POLR1E: variants seen among roughly 807,000 people sequenced by gnomAD.
POLR1E encodes the protein DNA-directed RNA polymerase I subunit RPA49.
In POLR1E, 37 loss-of-function variants were observed where a neutral mutation model predicts 50.9. That is an observed-to-expected ratio of 0.73 (90% CI 0.56 to 0.96). The LOEUF (loss-of-function observed/expected upper bound fraction) is 0.96, where lower values mean the gene tolerates loss of function less well. Among genes scored for constraint, POLR1E ranks in the 40% least tolerant of loss-of-function variants. The probability of loss-of-function intolerance (pLI) is 0.00; values close to 1 mark genes in which losing one functional copy is unlikely to be tolerated. For synonymous variants in POLR1E, 166 were observed against 191.6 expected (o/e 0.87, Z 1.10); for missense variants, 426 against 518.1 (o/e 0.82, Z 1.73).
rs1820929229 is a variant in POLR1E, at chr9:37,503,402, C to A, written c.*200C>A. 4.1e-6 allele frequency: 2 copies of A among 483,140 alleles called. No individual in the cohort carries two copies. The highest frequency in any genetic ancestry group is 6.8e-6 in the Non-Finnish European group (2 of 295,658). 29.9% of individuals were successfully genotyped at this position (483,140 alleles called of 1,614,324 possible). A position where few individuals can be genotyped will look rare whatever the true frequency, so the allele number is the denominator to read the frequency against. On this transcript the variant is annotated 3_prime_UTR_variant, in exon 12 of 12. Transcript: ENST00000377798. The stretch of plus-strand genomic sequence containing the variant: ...AACCAGTCTGGACAACATAGGGAGA[C>A]CCCATCTCTACCGGAGGAAAAAAAA...
intron 4 of POLR1E, chr9:37,492,341 C>A (rs765858662): frequency 5.4e-6 from 7 of 1,298,730 alleles, no homozygotes; most frequent in Non-Finnish European, 7.1e-6. Flanking sequence ...GTTTTCTAAT[C>A]CTGTCTCTGC....
chr9:37,489,439 A>G, intron 4 of POLR1E, 39 bp downstream of exon 4: 1 of 1,449,782 alleles, frequency 6.9e-7, no homozygotes, highest in Non-Finnish European at 9.4e-7. Context: ...AATAATGCAT[A>G]GTTTGGGTTT....
At chr9:37,488,555 G>T (rs10973361) in intron 3 of POLR1E, among the ~76,000 whole-genome samples, 40,096 of 151,938 alleles carry the variant, frequency 0.26, 5,676 homozygotes, top group African/African-American at 0.35. Flanking sequence ...GAGGTCAGAT[G>T]GGTGTATAGG....
chr9:37,490,390 G>C (rs1820660112), intron 4 of POLR1E: 3 of 707,604 alleles, frequency 4.2e-6, no homozygotes, highest in Non-Finnish European at 2.6e-6. Flanking sequence ...CATTTTTACA[G>C]TCCAGAGGTC....
intron 3 of POLR1E, among the ~76,000 whole-genome samples, chr9:37,488,259 T>C (rs1820613459): frequency 6.6e-6 from 1 of 152,316 alleles, no homozygotes; most frequent in Middle Eastern, 3.4e-3. Flanking sequence ...GAAGTTTACC[T>C]GGGAACTAAC....
intron 11 of POLR1E, among the ~76,000 whole-genome samples, chr9:37,502,112 G>A (rs2296778): frequency 0.26 from 40,174 of 152,054 alleles, 5,689 homozygotes; most frequent in African/African-American, 0.35. Flanking sequence ...AGAAAAGTAC[G>A]TAACATTCTC....
rs752003489 is a variant in POLR1E, at chr9:37,486,571, G to A, written c.77-132G>A. 1.6e-5 allele frequency: 25 copies of A among 1,605,498 alleles called. No individual in the cohort carries two copies. In the East Asian group the frequency reaches 5.4e-4, roughly 35 times the overall value. On this transcript the variant is annotated intron_variant, in intron 1 of 11. Coordinates refer to ENST00000377798, the MANE Select transcript of POLR1E (RefSeq NM_022490.4). ...CCGGATCTCCTCCAGTTCCCTTTGGGTCAGGACCCGAGCTTCCTTGCCATC... is the reference window on the plus strand; with the variant it reads ...CCGGATCTCCTCCAGTTCCCTTTGGATCAGGACCCGAGCTTCCTTGCCATC...
At chr9:37,498,801 G>A (rs1391472360) in intron 9 of POLR1E, among the ~76,000 whole-genome samples, 2 of 152,218 alleles carry the variant, frequency 1.3e-5, no homozygotes, top group African/African-American at 2.4e-5. Context: ...GGCACAAGGT[G>A]TATTTAGTTG....
intron 1 of POLR1E, 54 bp downstream of exon 1, chr9:37,486,177 C>T: frequency 4.6e-6 from 7 of 1,519,760 alleles, no homozygotes; most frequent in South Asian, 2.5e-5. Context: ...CCTTCCGTCT[C>T]GGTACCTCAG....
chr9:37,497,145 C>T (rs1159841805), intron 8 of POLR1E, among the ~76,000 whole-genome samples: 3 of 152,112 alleles, frequency 2.0e-5, no homozygotes, highest in African/African-American at 4.8e-5. Flanking sequence ...CACCTGAGGT[C>T]GGGAGTTCAA....
At position 37,500,898 on chromosome 9, in the gene POLR1E, T is replaced by C. The variant is rs2277161; in HGVS notation, c.945T>C (p.Thr315=). 376,083 of 1,612,720 alleles carry C rather than the reference T, an allele frequency of 0.23. 46,474 individuals are homozygous for C. Among genetic ancestry groups the C allele is most frequent in the African/African-American group, 0.41 (30,514 of 74,902 alleles). The change falls in exon 10 of 12, where the codon ACT becomes ACC. Residue 315 remains threonine (T), a synonymous_variant. Coordinates refer to ENST00000377798, the MANE Select transcript of POLR1E (RefSeq NM_022490.4). Reference sequence around the variant, plus strand: ...ACACCAAACTGCTGAAGCACTTTACTTGCTTGACCTACAACAATGGCAGGT... The same window carrying C: ...ACACCAAACTGCTGAAGCACTTTACCTGCTTGACCTACAACAATGGCAGGT... ...IINTKLLKHF[T]CLTYNNGRLR...
intron 8 of POLR1E, among the ~76,000 whole-genome samples, chr9:37,497,492 C>T (rs1043922862): frequency 1.3e-5 from 2 of 152,242 alleles, no homozygotes; most frequent in Non-Finnish European, 2.9e-5. Flanking sequence ...TAGCAAACTA[C>T]AGCCCACATG....
At chr9:37,489,066 C>G (rs183228841) in intron 3 of POLR1E, among the ~76,000 whole-genome samples, 1 of 151,880 alleles carries the variant, frequency 6.6e-6, no homozygotes, top group Non-Finnish European at 1.5e-5. Flanking sequence ...TGGTGAAACC[C>G]ATCTTTATTA....
In POLR1E at chr9:37,493,591, C is replaced by T. The variant is rs10758434; in HGVS notation, c.435C>T (p.Thr145=). The change falls in exon 6 of 12, where the codon ACC becomes ACT. Residue 145 remains threonine, a synonymous_variant. Transcript: ENST00000377798. ...CTTGTATTGAAGCCTTTGGTACCAC[C>T]AAACAGAAGCGAGCTCTGAACACCA... ...MDSCIEAFGT[T]KQKRALNTRR... The T allele has an allele frequency of 0.22, 353,200 of 1,604,364 alleles. 40,573 individuals are homozygous for T. The highest frequency in any genetic ancestry group is 0.33 in the Admixed American group (19,698 of 59,240).
rs757184019 is a variant in POLR1E, at chr9:37,493,690, G to A, written c.534G>A (p.Thr178=). 9.6e-6 allele frequency: 15 copies of A among 1,566,590 alleles called. No individual in the cohort carries two copies. Among genetic ancestry groups the A allele is most frequent in the Admixed American group, 8.9e-5 (5 of 56,150 alleles). The part of the protein sequence containing the change: ...VAKAAETIID[T]KGVTALVSDA... ...AAGCTGCAGAGACTATCATTGATACGAAGGGTGTGACTGGTAAGAAGTTGG... is the reference window on the plus strand; with the variant it reads ...AAGCTGCAGAGACTATCATTGATACAAAGGGTGTGACTGGTAAGAAGTTGG... The change falls in exon 6 of 12, where the codon ACG becomes ACA. Residue 178 remains threonine (T), a synonymous_variant. Transcript: ENST00000377798.
chr9:37,486,420 G>A, intron 1 of POLR1E: 1 of 1,532,534 alleles, frequency 6.5e-7, no homozygotes, highest in Non-Finnish European at 8.8e-7. Context: ...CTGGGCAGGG[G>A]TTCCTTCTGT....
chr9:37,497,825 C>T (rs1246491546), intron 8 of POLR1E, among the ~76,000 whole-genome samples: 5 of 152,104 alleles, frequency 3.3e-5, no homozygotes, highest in Admixed American at 2.6e-4. Flanking sequence ...AGTACAGTGG[C>T]GCAGACAGCT....
At chr9:37,501,928 A>G in intron 11 of POLR1E, 84 bp downstream of exon 11, 1 of 1,414,288 alleles carries the variant, frequency 7.1e-7, no homozygotes, top group Non-Finnish European at 9.5e-7. Flanking sequence ...AGGCACCACC[A>G]AGGGAACTGA....
At position 37,486,734 on chromosome 9, in the gene POLR1E, A is replaced by C; in HGVS notation, c.108A>C (p.Pro36=). ...VQFSNGKLQS[P]GNMRFTLYEN... ...TCTCCAACGGGAAGCTACAGAGTCC[A>C]GGCAACATGCGCTTTACCTTGTATG... Residue 36 remains proline (P), a synonymous_variant, in exon 2 of 12, where the codon CCA becomes CCC. Coordinates refer to ENST00000377798, the MANE Select transcript of POLR1E (RefSeq NM_022490.4). 6.2e-7 allele frequency: 1 copy of C among 1,614,230 alleles called. No homozygotes were observed. Among genetic ancestry groups the C allele is most frequent in the African/African-American group, 1.3e-5 (1 of 75,054 alleles).
Sources: gnomAD v4.1 joint callset for allele counts (sites outside exome capture counted in the v4.1 genomes callset) on GRCh38, gnomAD v4.1.1 for gene constraint, MANE v1.5 for transcripts, NCBI Gene and HGNC (gene_info 2026-07-23, HGNC 2026-07-21) for gene names.